MAP3K5: variants seen among roughly 807,000 people sequenced by gnomAD.
The protein encoded by MAP3K5 is mitogen-activated protein kinase kinase kinase 5.
Under a neutral mutation model 158.7 loss-of-function variants are expected in MAP3K5, and 56 were observed. The ratio of observed to expected loss-of-function variants is 0.35; its 90% CI spans 0.28 to 0.44. MAP3K5 has a LOEUF of 0.44. MAP3K5 is among the 20% of genes least tolerant of loss of function. MAP3K5 has a pLI of 1.00. For missense variants in MAP3K5, 1,294 were observed against 1,674.8 expected (o/e 0.77, Z 3.97); for synonymous variants, 579 against 601.7 (o/e 0.96, Z 0.55).
chr6:136,632,176 T>A (rs1292267301), intron 14 of MAP3K5, among the ~76,000 whole-genome samples: 2 of 152,096 alleles, frequency 1.3e-5, no homozygotes, highest in African/African-American at 4.8e-5. Context: ...AAGGGGAAGC[T>A]ACAGCCAGAG....
At chr6:136,748,005 T>C (rs1282639485) in intron 1 of MAP3K5, among the ~76,000 whole-genome samples, 1 of 152,202 alleles carries the variant, frequency 6.6e-6, no homozygotes, top group African/African-American at 2.4e-5. Flanking sequence ...TTTATTACCA[T>C]GATCTAAGAG....
rs148449922 is a variant in MAP3K5 at position 136,571,856 on chromosome 6, C to T, written c.3518-3982G>A. Among the ~76,000 whole-genome samples the T allele has an allele frequency of 1.4e-4, 22 of 152,286 alleles. 1 individual carries two copies. In the East Asian group the frequency reaches 4.2e-3, roughly 29 times the overall value. On this transcript the variant is annotated intron_variant, in intron 25 of 29. Transcript: ENST00000359015. Reference sequence around the variant, plus strand: ...ATACTGTTTTCCATAGTAGCAGTACCATTTTACATTCCCAACAACAGTGTA... The same window carrying T: ...ATACTGTTTTCCATAGTAGCAGTACTATTTTACATTCCCAACAACAGTGTA...
At chr6:136,606,627 C>T (rs1003574390) in intron 18 of MAP3K5, among the ~76,000 whole-genome samples, 4 of 152,250 alleles carry the variant, frequency 2.6e-5, no homozygotes, top group Admixed American at 6.5e-5. Context: ...AACATATCAC[C>T]GCATACCCTG....
At chr6:136,764,349 T>C (rs188940835) in intron 1 of MAP3K5, among the ~76,000 whole-genome samples, 1 of 152,234 alleles carries the variant, frequency 6.6e-6, no homozygotes, top group Admixed American at 6.5e-5. Context: ...ATAGCTTCCA[T>C]GTCCTTCTTC....
intron 15 of MAP3K5, among the ~76,000 whole-genome samples, chr6:136,617,158 A>G (rs1258399366): frequency 6.6e-6 from 1 of 152,242 alleles, no homozygotes; most frequent in Non-Finnish European, 1.5e-5. Context: ...AAAATTTGCA[A>G]TAATAGTCAG....
At chr6:136,569,724 TGTCACAG>T (rs1277850426) in intron 25 of MAP3K5, among the ~76,000 whole-genome samples, 6 of 152,362 alleles carry the variant, frequency 3.9e-5, no homozygotes, top group Non-Finnish European at 7.3e-5. Context: ...CCGGAAGCTC[TGTCACAG>T]GTCATAGTCA....
At chr6:136,729,822 C>A (rs944685841) in intron 1 of MAP3K5, among the ~76,000 whole-genome samples, 8 of 152,158 alleles carry the variant, frequency 5.3e-5, no homozygotes, top group Non-Finnish European at 1.2e-4. Context: ...GAGAGCGTGT[C>A]CCTCAACTAA....
At chr6:136,642,435 A>G in intron 12 of MAP3K5, 85 bp downstream of exon 12, 2 of 952,040 alleles carry the variant, frequency 2.1e-6, no homozygotes, top group Non-Finnish European at 3.3e-6. Context: ...TTGTATTTTA[A>G]AATCATGATT....
At chr6:136,593,262 A>C (rs1775475637) in intron 21 of MAP3K5, among the ~76,000 whole-genome samples, 1 of 152,248 alleles carries the variant, frequency 6.6e-6, no homozygotes, top group Admixed American at 6.5e-5. Flanking sequence ...TCTCTAGTAG[A>C]CATGAGCTGC....
At chr6:136,628,114 A>G (rs1777129456) in intron 14 of MAP3K5, among the ~76,000 whole-genome samples, 1 of 151,964 alleles carries the variant, frequency 6.6e-6, no homozygotes, top group African/African-American at 2.4e-5. Flanking sequence ...GATATATTTA[A>G]ATCTTTTTTT....
intron 1 of MAP3K5, among the ~76,000 whole-genome samples, chr6:136,769,836 G>C (rs867429618): frequency 1.5e-5 from 1 of 66,412 alleles, no homozygotes; most frequent in African/African-American, 6.1e-5. Context: ...GGAGGGAAGG[G>C]AGGGAGGGAG....
chr6:136,786,763 A>G (rs78812985), intron 1 of MAP3K5, among the ~76,000 whole-genome samples: 2,234 of 151,914 alleles, frequency 0.015, 67 homozygotes, highest in African/African-American at 0.051. Flanking sequence ...AAAGATTGGG[A>G]AAGTTTATTA....
chr6:136,770,670 T>C (rs1197644157), intron 1 of MAP3K5, among the ~76,000 whole-genome samples: 1 of 152,172 alleles, frequency 6.6e-6, no homozygotes, highest in South Asian at 2.1e-4. Context: ...GGCAGAAGGA[T>C]TGCCTGAGCC....
intron 1 of MAP3K5, among the ~76,000 whole-genome samples, chr6:136,728,943 C>T (rs144104453): frequency 2.0e-4 from 29 of 148,338 alleles, no homozygotes; most frequent in African/African-American, 6.8e-4. Flanking sequence ...AAGGGAGAAA[C>T]CTAGTGTGGA....
chr6:136,720,585 A>G lies in MAP3K5; in HGVS notation c.453T>C (p.Ile151=). 6.2e-7 allele frequency: 1 copy of G among 1,607,252 alleles called. No individual in the cohort carries two copies. Among genetic ancestry groups the G allele is most frequent in the South Asian group, 1.1e-5 (1 of 89,860 alleles). The change falls in exon 2 of 30, where the codon ATT becomes ATC. Residue 151 remains isoleucine, a synonymous_variant. Coordinates refer to ENST00000359015, the MANE Select transcript of MAP3K5 (RefSeq NM_005923.4). ...AGGCATCGCTCATCTCCACCACCGC[A>G]ATATCTGCAAACAGAAAACAAAGTC... ...TVLDRFYNAD[I]AVVEMSDAFR...
intron 1 of MAP3K5, 119 bp downstream of exon 1, chr6:136,791,591 G>A (rs1196434857): frequency 6.4e-6 from 7 of 1,088,794 alleles, no homozygotes; most frequent in Non-Finnish European, 9.5e-6. Context: ...GGCGCTCGCT[G>A]CCCCCAAAGT....
chr6:136,715,916 G>C (rs894049289), intron 2 of MAP3K5, among the ~76,000 whole-genome samples: 5 of 151,460 alleles, frequency 3.3e-5, no homozygotes, highest in Non-Finnish European at 2.9e-5. Context: ...TGTAATCCCA[G>C]CTACTAGGGA....
chr6:136,659,442 A>T, intron 8 of MAP3K5, 64 bp from the exon 9 acceptor site: 1 of 1,450,144 alleles, frequency 6.9e-7, no homozygotes, highest in South Asian at 1.2e-5. Context: ...CCAGGTTTTC[A>T]CTAAAAAGTA....
intron 7 of MAP3K5, 50 bp from the exon 8 acceptor site, chr6:136,669,445 T>C: frequency 9.3e-7 from 1 of 1,074,320 alleles, no homozygotes; most frequent in Admixed American, 1.8e-5. Context: ...CATGAAACCC[T>C]GGGTGTGTAA....
Sources: gnomAD v4.1 joint callset for allele counts (sites outside exome capture counted in the v4.1 genomes callset) on GRCh38, gnomAD v4.1.1 for gene constraint, MANE v1.5 for transcripts, NCBI Gene and HGNC (gene_info 2026-07-23, HGNC 2026-07-21) for gene names.